Variants in SH3TC2 observed in about 807,000 individuals in gnomAD.
SH3TC2 encodes the protein SH3 domain and tetratricopeptide repeat-containing protein 2.
SH3TC2 carries 87 observed loss-of-function variants against 124.5 expected under a neutral mutation model. The observed-to-expected ratio is 0.70, with a 90% CI of 0.59 to 0.84. The LOEUF (loss-of-function observed/expected upper bound fraction) is 0.84, where lower values mean the gene tolerates loss of function less well. Among genes scored for constraint, SH3TC2 ranks in the 40% least tolerant of loss-of-function variants. SH3TC2 has a pLI of 0.00. For synonymous variants in SH3TC2, 634 were observed against 628.5 expected, an observed-to-expected ratio of 1.01 and a Z score of -0.13; for missense variants, 1,536 against 1,566.4, an observed-to-expected ratio of 0.98 and a Z score of 0.33.
intron 8 of SH3TC2, among the ~76,000 whole-genome samples, chr5:149,036,493 C>T (rs1353073981): frequency 6.6e-6 from 1 of 152,204 alleles, no homozygotes; most frequent in Non-Finnish European, 1.5e-5. Context: ...TCCTATTTTC[C>T]ATCCTCTTTT....
At chr5:149,029,426 G>C (rs144136882) in intron 9 of SH3TC2, among the ~76,000 whole-genome samples, 311 of 152,276 alleles carry the variant, frequency 2.0e-3, no homozygotes, top group African/African-American at 7.1e-3. Flanking sequence ...TAATGATGTA[G>C]GTCTGGAGCC....
Position 149,052,229 on chromosome 5 carries a change from G to T in SH3TC2, c.64C>A (p.Pro22Thr). ...SLTRGPGKET[P>T]SKDPTVSSEC... is the part of the protein sequence containing the mutation. Reference sequence around the variant, plus strand: ...CTCGATACAGTTGGATCCTTGGAAGGAGTTTCTTTACCTGGAGAAGATGAA... The same window carrying T: ...CTCGATACAGTTGGATCCTTGGAAGTAGTTTCTTTACCTGGAGAAGATGAA... Residue 22 changes from proline to threonine, a missense_variant, in exon 2 of 17, where the codon CCT (proline) becomes ACT (threonine). Pro to Thr is a conservative substitution (Grantham distance 38). Transcript: ENST00000515425. 2 of 1,610,946 alleles carry T rather than the reference G, an allele frequency of 1.2e-6. No individual in the cohort carries two copies. Among genetic ancestry groups the T allele is most frequent in the Non-Finnish European group, 1.7e-6 (2 of 1,177,214 alleles).
intron 4 of SH3TC2, chr5:149,044,007 T>C (rs952302024): frequency 1.9e-5 from 3 of 158,468 alleles, no homozygotes; most frequent in Non-Finnish European, 4.2e-5. Context: ...ACAGTGGAAC[T>C]GACGCTGCAT....
intron 8 of SH3TC2, among the ~76,000 whole-genome samples, 182 bp from the exon 9 acceptor site, chr5:149,031,869 G>A (rs918162059): frequency 6.6e-6 from 1 of 152,130 alleles, no homozygotes; most frequent in Non-Finnish European, 1.5e-5. Flanking sequence ...AAAAAGAAGA[G>A]CTACTAGCAC....
chr5:149,020,113 A>ACACACACACAC (rs1753943863), intron 12 of SH3TC2, among the ~76,000 whole-genome samples: 2 of 146,804 alleles, frequency 1.4e-5, no homozygotes, highest in South Asian at 2.2e-4. Flanking sequence ...GAAAAGGTCA[A>ACACACACACAC]ACACACACAC....
chr5:149,026,761 A>C lies in SH3TC2; in HGVS notation c.2873-9T>G. 3 of 1,614,202 alleles carry C rather than the reference A, an allele frequency of 1.9e-6. No individual in the cohort carries two copies. Among genetic ancestry groups the C allele is most frequent in the Non-Finnish European group, 2.5e-6 (3 of 1,180,030 alleles). ...GGTGGCCTGAAGCTGACCTGAACAC[A>C]AAGCAGGGACATGAATGAGATGACT... is the stretch of plus-strand genomic sequence containing the variant. On this transcript the variant is annotated splice_polypyrimidine_tract_variant and intron_variant, in intron 11 of 16. Transcript: ENST00000515425.
chr5:149,028,788 AC>A, intron 9 of SH3TC2, 70 bp from the exon 10 acceptor site: 1 of 1,535,056 alleles, frequency 6.5e-7, no homozygotes, highest in Non-Finnish European at 9.0e-7. Context: ...CTCCAGGTGT[AC>A]CCCAGATCAG....
intron 2 of SH3TC2, among the ~76,000 whole-genome samples, chr5:149,049,138 G>C (rs535796203): frequency 1.2e-4 from 18 of 152,168 alleles, no homozygotes; most frequent in Non-Finnish European, 2.6e-4. Context: ...GCTCTTCTAT[G>C]ACATTCCCAT....
intron 12 of SH3TC2, among the ~76,000 whole-genome samples, chr5:149,017,287 G>A (rs573100243): frequency 8.5e-5 from 13 of 152,162 alleles, no homozygotes; most frequent in South Asian, 6.2e-4. Flanking sequence ...GACCCCATCC[G>A]GCTCAGTTCT....
intron 8 of SH3TC2, among the ~76,000 whole-genome samples, chr5:149,032,072 G>T (rs1580904219): frequency 6.6e-6 from 1 of 152,300 alleles, no homozygotes; most frequent in African/African-American, 2.4e-5. Flanking sequence ...TGGAAGGGTT[G>T]AAAAGGGACC....
intron 12 of SH3TC2, among the ~76,000 whole-genome samples, chr5:149,013,216 G>A (rs551817221): frequency 2.2e-4 from 33 of 152,120 alleles, no homozygotes; most frequent in African/African-American, 3.6e-4. Context: ...CCCATATGTC[G>A]TGGGAGGGAC....
At chr5:149,054,980 T>C (rs1754617382) in intron 1 of SH3TC2, among the ~76,000 whole-genome samples, 1 of 152,012 alleles carries the variant, frequency 6.6e-6, no homozygotes, top group Non-Finnish European at 1.5e-5. Context: ...GGGCAGAAAA[T>C]TGCAAGGTTT....
In SH3TC2 at chr5:148,999,150, T is replaced by G. The variant is rs1382407712; in HGVS notation, c.*5561A>C. 6.6e-6 allele frequency among the ~76,000 whole-genome samples: 1 copy of G among 152,120 alleles called. No homozygotes were observed. The highest frequency in any genetic ancestry group is 2.4e-5 in the African/African-American group (1 of 41,422). ...AAAGTAAGTTGCTCAGGTCACTCAG[T>G]GATGAAAAGGAGAAAGAGCTTCAGA... On this transcript the variant is annotated 3_prime_UTR_variant, in exon 17 of 17. Coordinates refer to ENST00000515425, the MANE Select transcript of SH3TC2 (RefSeq NM_024577.4).
chr5:149,028,749 T>C, intron 9 of SH3TC2, 31 bp from the exon 10 acceptor site: 2 of 1,613,720 alleles, frequency 1.2e-6, no homozygotes. Context: ...GGTCTGGTGT[T>C]AGGTCAGGAT....
chr5:149,042,930 T>C, intron 4 of SH3TC2, 93 bp from the exon 5 acceptor site: 1 of 1,472,140 alleles, frequency 6.8e-7, no homozygotes, highest in Non-Finnish European at 9.4e-7. Flanking sequence ...CTGAGCTTGA[T>C]TCCCAGACCA....
Position 149,007,124 on chromosome 5 carries a change from C to G in SH3TC2, c.3479-47G>C. On this transcript the variant is annotated intron_variant, in intron 15 of 16. Coordinates refer to ENST00000515425, the MANE Select transcript of SH3TC2 (RefSeq NM_024577.4). The stretch of plus-strand genomic sequence containing the variant: ...GAGATATCCTGCAACCAACACTTTG[C>G]ATCATTTGTTCACTCATTCATTCCA... 1.9e-6 allele frequency: 3 copies of G among 1,580,586 alleles called. No individual in the cohort carries two copies. The South Asian group carries it at 3.3e-5, about 17-fold the overall frequency.
intron 5 of SH3TC2, among the ~76,000 whole-genome samples, chr5:149,042,409 C>A (rs973620387): frequency 5.3e-5 from 8 of 152,168 alleles, no homozygotes; most frequent in Non-Finnish European, 1.2e-4. Flanking sequence ...TGGGCCTTCA[C>A]CTTCAGAGAT....
At chr5:149,050,169 C>T (rs922655804) in intron 2 of SH3TC2, among the ~76,000 whole-genome samples, 7 of 152,162 alleles carry the variant, frequency 4.6e-5, no homozygotes, top group African/African-American at 1.7e-4. Context: ...GAGATCTCAA[C>T]CGTGAGAACT....
intron 7 of SH3TC2, 107 bp downstream of exon 7, chr5:149,040,497 G>A: frequency 9.8e-7 from 1 of 1,022,438 alleles, no homozygotes; most frequent in East Asian, 2.4e-5. Flanking sequence ...GTTCCTAGCA[G>A]AGACGAGACA....
Sources: gnomAD v4.1 joint callset for allele counts (sites outside exome capture counted in the v4.1 genomes callset) on GRCh38, gnomAD v4.1.1 for gene constraint, MANE v1.5 for transcripts, NCBI Gene and HGNC (gene_info 2026-07-23, HGNC 2026-07-21) for gene names.